CRB1: variants seen among roughly 807,000 people sequenced by gnomAD.
CRB1 encodes crumbs cell polarity complex component 1.
Under a neutral mutation model 120.0 loss-of-function variants are expected in CRB1, and 83 were observed. That is an observed-to-expected ratio of 0.69 (90% CI 0.58 to 0.83). The LOEUF (loss-of-function observed/expected upper bound fraction) is 0.83, where lower values mean the gene tolerates loss of function less well. Ranked by LOEUF, CRB1 falls within the 40% of genes least tolerant of loss-of-function variation. CRB1 has a pLI of 0.00. For missense variants in CRB1, 1,699 were observed against 1,687.6 expected, an observed-to-expected ratio of 1.01 and a Z score of -0.12; for synonymous variants, 625 against 612.5, an observed-to-expected ratio of 1.02 and a Z score of -0.30.
chr1:197,276,733 A>G (rs754123781), intron 1 of CRB1, among the ~76,000 whole-genome samples: 1 of 151,970 alleles, frequency 6.6e-6, no homozygotes, highest in Non-Finnish European at 1.5e-5. Flanking sequence ...GTTGTCCAAC[A>G]TAACTGAAGT....
intron 7 of CRB1, 100 bp from the exon 8 acceptor site, chr1:197,429,349 G>C: frequency 6.9e-7 from 1 of 1,451,190 alleles, no homozygotes; most frequent in Non-Finnish European, 9.7e-7. Flanking sequence ...AAGATGCAGG[G>C]AAATTAGCAT....
At chr1:197,346,395 T>C (rs1659777317) in intron 3 of CRB1, among the ~76,000 whole-genome samples, 1 of 151,906 alleles carries the variant, frequency 6.6e-6, no homozygotes, top group Admixed American at 6.6e-5. Context: ...GGCAACAGGG[T>C]TTTTGTCGCT....
the CRB1 span, among the ~76,000 whole-genome samples, chr1:197,235,850 A>G: frequency 6.6e-6 from 1 of 152,194 alleles, no homozygotes; most frequent in African/African-American, 2.4e-5. Flanking sequence ...CATTTTGAGA[A>G]AATGGGTATT....
At chr1:197,406,732 TA>T (rs1020032153) in intron 5 of CRB1, among the ~76,000 whole-genome samples, 19 of 150,934 alleles carry the variant, frequency 1.3e-4, no homozygotes, top group African/African-American at 3.9e-4. Flanking sequence ...GAGGGATTTT[TA>T]TTTTTTTTAA....
At chr1:197,327,107 A>ACAAC (rs796898911) in intron 1 of CRB1, among the ~76,000 whole-genome samples, 21 of 114,990 alleles carry the variant, frequency 1.8e-4, no homozygotes, top group African/African-American at 6.1e-4. Flanking sequence ...AAAAAAAAAA[A>ACAAC]AAAAAAAAAA....
chr1:197,314,801 C>G (rs1657749605), intron 1 of CRB1, among the ~76,000 whole-genome samples: 1 of 152,188 alleles, frequency 6.6e-6, no homozygotes, highest in Non-Finnish European at 1.5e-5. Context: ...TCCCTACTGG[C>G]TGAGCTGGAA....
intron 5 of CRB1, among the ~76,000 whole-genome samples, chr1:197,365,610 C>CCTT (rs1208615081): frequency 0.013 from 1,881 of 139,774 alleles, 34 homozygotes; most frequent in African/African-American, 0.049. Context: ...TTCTCCTTCT[C>CCTT]CTTCTTCTTC....
intron 5 of CRB1, among the ~76,000 whole-genome samples, chr1:197,372,917 G>C (rs1337302671): frequency 3.3e-5 from 5 of 152,072 alleles, no homozygotes; most frequent in Non-Finnish European, 7.4e-5. Flanking sequence ...AGTGAGTTTA[G>C]ATTGTCAACT....
At chr1:197,389,775 G>A (rs534641198) in intron 5 of CRB1, among the ~76,000 whole-genome samples, 21 of 152,208 alleles carry the variant, frequency 1.4e-4, no homozygotes, top group African/African-American at 4.6e-4. Flanking sequence ...GTCTCTCAGA[G>A]GTCTAGGTGG....
Position 197,478,306 on chromosome 1 carries a change from A to C in CRB1, c.*427A>C, listed in dbSNP as rs890427171. On this transcript the variant is annotated 3_prime_UTR_variant, in exon 12 of 12. Coordinates refer to ENST00000367400, the MANE Select transcript of CRB1 (RefSeq NM_201253.3). Reference sequence around the variant, plus strand: ...CAGGAAAAAATTGGCTACATTTCTCACTTCTCCTATCATGTGGTCAAAGTT... The same window carrying C: ...CAGGAAAAAATTGGCTACATTTCTCCCTTCTCCTATCATGTGGTCAAAGTT... 8.2e-5 allele frequency: 21 copies of C among 256,402 alleles called. No homozygotes were observed. The highest frequency in any genetic ancestry group is 3.8e-5 in the Non-Finnish European group (5 of 130,864). 15.9% of individuals were successfully genotyped at this position (256,402 alleles called of 1,614,324 possible). A position where few individuals can be genotyped will look rare whatever the true frequency, so the allele number is the denominator to read the frequency against.
intron 5 of CRB1, among the ~76,000 whole-genome samples, chr1:197,387,919 C>T (rs1053490047): frequency 6.6e-6 from 1 of 151,436 alleles, no homozygotes; most frequent in African/African-American, 2.4e-5. Flanking sequence ...TTCTTTTTTC[C>T]CCAACCTCCC....
chr1:197,355,078 A>G (rs1192999842), intron 4 of CRB1, among the ~76,000 whole-genome samples: 1 of 151,912 alleles, frequency 6.6e-6, no homozygotes, highest in Non-Finnish European at 1.5e-5. Flanking sequence ...TGTTGCATCC[A>G]CAAACCTTGA....
At chr1:197,447,292 C>T (rs1435248875) in intron 11 of CRB1, 1 of 152,216 alleles carries the variant, frequency 6.6e-6, no homozygotes, top group Non-Finnish European at 1.5e-5. Flanking sequence ...AGCTCCTTGC[C>T]ACTTGGGGCT....
chr1:197,217,303 C>T, the CRB1 span, among the ~76,000 whole-genome samples: 1 of 151,934 alleles, frequency 6.6e-6, no homozygotes, highest in Non-Finnish European at 1.5e-5. Flanking sequence ...AACATGTGAC[C>T]CAGAAATTTT....
At chr1:197,343,916 T>C (rs985728755) in intron 2 of CRB1, among the ~76,000 whole-genome samples, 1 of 152,226 alleles carries the variant, frequency 6.6e-6, no homozygotes, top group Admixed American at 6.5e-5. Context: ...TTACCCACTG[T>C]TCTCTCTGCT....
chr1:197,409,682 G>C (rs1663599658), intron 5 of CRB1, among the ~76,000 whole-genome samples: 2 of 152,140 alleles, frequency 1.3e-5, no homozygotes, highest in Admixed American at 1.3e-4. Context: ...TGAAATGCAG[G>C]TAGCAATACA....
intron 5 of CRB1, among the ~76,000 whole-genome samples, chr1:197,378,645 A>G (rs1338477402): frequency 6.6e-6 from 1 of 152,200 alleles, no homozygotes; most frequent in Non-Finnish European, 1.5e-5. Flanking sequence ...GAGGGTCTGA[A>G]TGAAACATTT....
intron 5 of CRB1, among the ~76,000 whole-genome samples, chr1:197,403,310 A>G: frequency 6.6e-6 from 1 of 152,212 alleles, no homozygotes; most frequent in East Asian, 1.9e-4. Context: ...GCAGCCAGGT[A>G]CATTAGAGGA....
At chr1:197,211,876 CA>C in the CRB1 span, among the ~76,000 whole-genome samples, 2 of 151,396 alleles carry the variant, frequency 1.3e-5, no homozygotes, top group East Asian at 3.9e-4. Context: ...AGACATTTGG[CA>C]AGCATATATC....
Sources: allele counts gnomAD v4.1 joint callset (sites outside exome capture counted in the v4.1 genomes callset), GRCh38; gene constraint gnomAD v4.1.1; transcripts MANE v1.5; gene names NCBI Gene and HGNC (gene_info 2026-07-23, HGNC 2026-07-21).